The following ZNF442 variants were observed in gnomAD, a reference collection of about 807,000 sequenced individuals.
The protein encoded by ZNF442 is zinc finger protein 442.
A neutral mutation model predicts 57.0 loss-of-function variants in ZNF442; 45 were observed. That is an observed-to-expected ratio of 0.79 (90% CI 0.62 to 1.01). The LOEUF (loss-of-function observed/expected upper bound fraction) is 1.01, where lower values mean the gene tolerates loss of function less well. Ranked by LOEUF, ZNF442 falls within the 50% of genes least tolerant of loss-of-function variation. The pLI, the probability that ZNF442 is intolerant of heterozygous loss-of-function variation, is 0.00. For missense variants in ZNF442, 690 were observed against 756.5 expected, an observed-to-expected ratio of 0.91 and a Z score of 1.03; for synonymous variants, 213 against 241.8, an observed-to-expected ratio of 0.88 and a Z score of 1.10.
chr19:12,361,154 G>C (rs1202389900), intron 3 of ZNF442, among the ~76,000 whole-genome samples: 1 of 152,148 alleles, frequency 6.6e-6, no homozygotes, highest in Non-Finnish European at 1.5e-5. Context: ...TTGTGCCATT[G>C]CACTCCAGCC....
At chr19:12,361,067 T>G (rs1036172370) in intron 3 of ZNF442, among the ~76,000 whole-genome samples, 1 of 151,896 alleles carries the variant, frequency 6.6e-6, no homozygotes, top group Non-Finnish European at 1.5e-5. Context: ...GGTGCATGCC[T>G]ATAATCCCAG....
chr19:12,362,559 GC>G (rs1375505518), intron 3 of ZNF442, among the ~76,000 whole-genome samples: 4 of 150,046 alleles, frequency 2.7e-5, no homozygotes, highest in African/African-American at 2.5e-5. Flanking sequence ...GACAGCTCCC[GC>G]CCGGCCAGCC....
intron 2 of ZNF442, among the ~76,000 whole-genome samples, chr19:12,364,468 T>C (rs1392112257): frequency 6.7e-6 from 1 of 148,232 alleles, no homozygotes; most frequent in African/African-American, 2.5e-5. Flanking sequence ...GAAAACAAAA[T>C]GAAAATTAAA....
upstream of ZNF442, among the ~76,000 whole-genome samples, chr19:12,367,042 C>A (rs1331688041): frequency 3.3e-5 from 5 of 152,202 alleles, no homozygotes; most frequent in Admixed American, 6.5e-5. Context: ...AGGTACCAGG[C>A]ACCTCTGGAA....
In ZNF442 at chr19:12,351,190, C is replaced by T. The variant is rs746124728; in HGVS notation, c.395G>A (p.Cys132Tyr). Residue 132 changes from cysteine (C) to tyrosine (Y), a missense_variant, in exon 6 of 6, where the codon TGC becomes TAC. Cys to Tyr is a radical substitution (Grantham distance 194). Transcript: ENST00000242804. ...GTGTCCAGCATCAAATGTGATATAG[C>T]AATTAAGGAATGAACAACCCATGAT... ...GEIMGCSFLN[C>Y]YITFDAGHKP... 1 of 1,614,118 alleles carries T rather than the reference C, an allele frequency of 6.2e-7. No homozygotes were observed. Among genetic ancestry groups the T allele is most frequent in the East Asian group, 2.2e-5 (1 of 44,878 alleles).
chr19:12,349,644 A>G lies in ZNF442; in HGVS notation c.*57T>C, dbSNP rs1969180408. 4 of 1,515,074 alleles carry G rather than the reference A, an allele frequency of 2.6e-6. No homozygotes were observed. Among genetic ancestry groups the G allele is most frequent in the South Asian group, 1.3e-5 (1 of 76,534 alleles). 93.9% of individuals were successfully genotyped at this position (1,515,074 alleles called of 1,614,324 possible). A position where few individuals can be genotyped will look rare whatever the true frequency, so the allele number is the denominator to read the frequency against. On this transcript the variant is annotated 3_prime_UTR_variant, in exon 6 of 6. Transcript: ENST00000242804. Reference sequence around the variant, plus strand: ...TTTGCATTCATGAGGCTTATCTCCTATGTGATTTCTTTCACGTTTCTGAAA... The same window carrying G: ...TTTGCATTCATGAGGCTTATCTCCTGTGTGATTTCTTTCACGTTTCTGAAA...
upstream of ZNF442, among the ~76,000 whole-genome samples, chr19:12,367,565 T>G (rs1326754100): frequency 1.3e-5 from 2 of 152,058 alleles, no homozygotes; most frequent in Admixed American, 1.3e-4. Flanking sequence ...CAGGGCGTAT[T>G]TCAGTCCTTA....
chr19:12,350,366 A>G lies in ZNF442; in HGVS notation c.1219T>C (p.Cys407Arg), dbSNP rs1969202858. The G allele has an allele frequency of 6.2e-7, 1 of 1,613,802 alleles. No individual in the cohort carries two copies. The highest frequency in any genetic ancestry group is 8.5e-7 in the Non-Finnish European group (1 of 1,180,036). Residue 407 changes from cysteine to arginine, a missense_variant, in exon 6 of 6, where the codon TGC (cysteine) becomes CGC (arginine). Physicochemically the swap from Cys to Arg is radical, Grantham distance 180 (BLOSUM62 -3). Transcript: ENST00000242804. ...IMHTGDGPHK[C>R]KVCGKAFIYP... ...ATGAAGGCTTTCCCACATACCTTGC[A>G]TTTGTGAGGTCCATCTCCAGTGTGC...
At chr19:12,356,687 T>A (rs1198966041) in intron 3 of ZNF442, among the ~76,000 whole-genome samples, 1 of 148,826 alleles carries the variant, frequency 6.7e-6, no homozygotes. Flanking sequence ...AAATTAAACA[T>A]GAAAAAAGAC....
chr19:12,365,428 A>G, intron 1 of ZNF442, 105 bp downstream of exon 1: 1 of 294,126 alleles, frequency 3.4e-6, no homozygotes, highest in Non-Finnish European at 6.6e-6. Flanking sequence ...GGGTCCACAG[A>G]CCCCGCAGTC....
chr19:12,356,970 A>G (rs1394868279), intron 3 of ZNF442, among the ~76,000 whole-genome samples: 1 of 152,234 alleles, frequency 6.6e-6, no homozygotes, highest in African/African-American at 2.4e-5. Flanking sequence ...TAGGGACAAA[A>G]AAAGAATATT....
rs762584941 is a variant in ZNF442 at position 12,351,318 on chromosome 19, T to C, written c.267A>G (p.Arg89=). The change falls in exon 6 of 6, where the codon AGA becomes AGG. Residue 89 remains arginine (R), a splice_region_variant and synonymous_variant. Transcript: ENST00000242804. ...DQHRNPRRSL[R]CHIIERFSES... is the part of the protein sequence containing the mutation. Reference sequence around the variant, plus strand: ...CACTAAATCTCTCTATGATATGACATCTGTAAAACATGAGAAGTATATTAA... The same window carrying C: ...CACTAAATCTCTCTATGATATGACACCTGTAAAACATGAGAAGTATATTAA... The C allele has an allele frequency of 6.2e-7, 1 of 1,605,700 alleles. No individual in the cohort carries two copies.
intron 3 of ZNF442, among the ~76,000 whole-genome samples, chr19:12,354,888 T>G (rs944386464): frequency 6.6e-6 from 1 of 152,224 alleles, no homozygotes; most frequent in Non-Finnish European, 1.5e-5. Context: ...TAATCAATTG[T>G]TTTTGTGACC....
intron 2 of ZNF442, among the ~76,000 whole-genome samples, chr19:12,363,991 C>T (rs1177633150): frequency 1.3e-5 from 2 of 152,124 alleles, no homozygotes; most frequent in Non-Finnish European, 2.9e-5. Flanking sequence ...ATTAGGTATC[C>T]GTACCCAGGG....
In ZNF442 at chr19:12,346,325, AC is replaced by A. The variant is rs1392743401; in HGVS notation, c.*3375del. 1.3e-5 allele frequency: 2 copies of A among 152,240 alleles called. No homozygotes were observed. The highest frequency in any genetic ancestry group is 2.4e-5 in the African/African-American group (1 of 41,474). The allele number at this position is 152,240 out of a possible 1,614,324, so 9.4% of individuals were successfully genotyped here. A position where few individuals can be genotyped will look rare whatever the true frequency, so the allele number is the denominator to read the frequency against. On this transcript the variant is annotated 3_prime_UTR_variant, in exon 6 of 6. Transcript: ENST00000242804. ...GGTTCAAAAAATATATAAACAACCA[AC>A]AAAAACAAAAACCAATGTGCATTAT...
chr19:12,370,139 T>C (rs191162583), upstream of ZNF442, among the ~76,000 whole-genome samples: 127 of 151,862 alleles, frequency 8.4e-4, 1 homozygote, highest in African/African-American at 2.9e-3. Context: ...TATATAATGA[T>C]GTAATTGTAC....
At chr19:12,367,678 T>TA (rs200042036), upstream of ZNF442, among the ~76,000 whole-genome samples, 3,696 of 147,194 alleles carry the variant, frequency 0.025, 157 homozygotes, top group African/African-American at 0.095. Flanking sequence ...ATTATATATA[T>TA]TTTTTTGAGA....
chr19:12,354,131 G>T, intron 3 of ZNF442, among the ~76,000 whole-genome samples: 1 of 152,210 alleles, frequency 6.6e-6, no homozygotes, highest in Non-Finnish European at 1.5e-5. Flanking sequence ...TCTGGGCACT[G>T]AGTCTCTAAT....
intron 5 of ZNF442, among the ~76,000 whole-genome samples, chr19:12,351,538 G>A (rs572420899): frequency 4.6e-5 from 7 of 152,124 alleles, no homozygotes; most frequent in Non-Finnish European, 7.4e-5. Flanking sequence ...ATGGAGTCTC[G>A]CTCTGTCGCC....
Sources: allele counts gnomAD v4.1 joint callset (sites outside exome capture counted in the v4.1 genomes callset), GRCh38; gene constraint gnomAD v4.1.1; transcripts MANE v1.5; gene names NCBI Gene and HGNC (gene_info 2026-07-23, HGNC 2026-07-21).